Variants in RMDN2 observed in about 807,000 individuals in gnomAD.
RMDN2 encodes the protein regulator of microtubule dynamics 2.
A neutral mutation model predicts 52.8 loss-of-function variants in RMDN2; 61 were observed. The ratio of observed to expected loss-of-function variants is 1.16; its 90% CI spans 0.94 to 1.43. RMDN2 has a LOEUF of 1.43. Among genes scored for constraint, RMDN2 ranks in the 40% most tolerant of loss-of-function variants. The pLI, the probability that RMDN2 is intolerant of heterozygous loss-of-function variation, is 0.00. For missense variants in RMDN2, 592 were observed against 475.3 expected (o/e 1.25, Z -2.28); for synonymous variants, 180 against 153.1 (o/e 1.18, Z -1.30).
intron 2 of RMDN2, among the ~76,000 whole-genome samples, chr2:37,941,239 A>T (rs1358515946): frequency 6.6e-6 from 1 of 150,640 alleles, no homozygotes; most frequent in Non-Finnish European, 1.5e-5. Context: ...AGAACAGCAA[A>T]GATTGCTGGC....
intron 5 of RMDN2, among the ~76,000 whole-genome samples, chr2:37,988,032 C>T (rs553321885): frequency 1.3e-5 from 2 of 152,146 alleles, no homozygotes; most frequent in African/African-American, 2.4e-5. Context: ...GCACTCCAGA[C>T]TGGGCGATAG....
chr2:37,968,796 A>G (rs1458901738), intron 2 of RMDN2, among the ~76,000 whole-genome samples: 1 of 152,234 alleles, frequency 6.6e-6, no homozygotes, highest in African/African-American at 2.4e-5. Flanking sequence ...CTGAAAGGCT[A>G]TTAGAAAATT....
At chr2:37,951,364 C>A (rs1668768235) in intron 2 of RMDN2, 2 of 1,613,302 alleles carry the variant, frequency 1.2e-6, no homozygotes, top group Non-Finnish European at 1.7e-6. Context: ...TCTTATTCCC[C>A]TGTAACACAT....
At chr2:37,944,433 T>C (rs1436789906) in intron 2 of RMDN2, among the ~76,000 whole-genome samples, 1 of 152,094 alleles carries the variant, frequency 6.6e-6, no homozygotes, top group Non-Finnish European at 1.5e-5. Context: ...AGTATGAGTA[T>C]GGCTGCATTC....
At chr2:37,950,442 G>T in intron 2 of RMDN2, 1 of 1,609,000 alleles carries the variant, frequency 6.2e-7, no homozygotes, top group Non-Finnish European at 8.5e-7. Context: ...ATCACATTCT[G>T]TGTTATTGCC....
In RMDN2 at chr2:38,041,363, A is replaced by G. The variant is rs182165724; in HGVS notation, c.1714-25619A>G. Among the ~76,000 whole-genome samples, 23 of 148,758 alleles carry G rather than the reference A, an allele frequency of 1.5e-4. No individual in the cohort carries two copies. In the East Asian group the frequency reaches 3.5e-3, roughly 23 times the overall value. On this transcript the variant is annotated intron_variant, in intron 10 of 10. Coordinates refer to the RMDN2 transcript ENST00000234195. ...AATTTTATATTTATAACCATGATGC[A>G]TTTGAGTCAGACATGTCATCTACAA...
At chr2:37,997,315 C>T in intron 7 of RMDN2, 101 bp from the exon 8 acceptor site, 1 of 752,848 alleles carries the variant, frequency 1.3e-6, no homozygotes, top group East Asian at 2.5e-5. Flanking sequence ...TATACACACA[C>T]ACACGTATAT....
chr2:37,966,185 G>A (rs1671020559), intron 2 of RMDN2, among the ~76,000 whole-genome samples: 1 of 152,110 alleles, frequency 6.6e-6, no homozygotes, highest in Non-Finnish European at 1.5e-5. Flanking sequence ...ACTTTGGGAG[G>A]CCGAGGCAGG....
intron 10 of RMDN2, among the ~76,000 whole-genome samples, chr2:38,034,061 A>C (rs1276250004): frequency 1.3e-5 from 2 of 152,232 alleles, no homozygotes; most frequent in African/African-American, 4.8e-5. Flanking sequence ...GTGTTTCTTT[A>C]CTTTTCAGAA....
chr2:37,922,996 C>T (rs532438498), upstream of RMDN2, among the ~76,000 whole-genome samples: 127 of 152,316 alleles, frequency 8.3e-4, 1 homozygote, highest in African/African-American at 2.8e-3. Context: ...ACCCACTCCT[C>T]CCAAATGATT....
At chr2:38,005,799 G>A (rs567140045) in intron 10 of RMDN2, among the ~76,000 whole-genome samples, 1 of 152,148 alleles carries the variant, frequency 6.6e-6, no homozygotes, top group Non-Finnish European at 1.5e-5. Flanking sequence ...CTGAATGGTA[G>A]TGCCTAAGTT....
intron 10 of RMDN2, among the ~76,000 whole-genome samples, chr2:38,026,327 A>G (rs1013804038): frequency 1.3e-5 from 2 of 151,902 alleles, no homozygotes; most frequent in Non-Finnish European, 2.9e-5. Flanking sequence ...GATATTTGTA[A>G]TTTGTGTTTT....
intron 2 of RMDN2, among the ~76,000 whole-genome samples, chr2:37,939,629 C>T (rs1667607009): frequency 6.6e-6 from 1 of 152,068 alleles, no homozygotes; most frequent in Non-Finnish European, 1.5e-5. Flanking sequence ...TGCATTGATC[C>T]CTTTACCATT....
chr2:38,065,576 G>A (rs2125312015), intron 10 of RMDN2, among the ~76,000 whole-genome samples: 1 of 152,240 alleles, frequency 6.6e-6, no homozygotes, highest in South Asian at 2.1e-4. Context: ...CCATCAAAAA[G>A]CTTGTTTCGT....
At position 37,952,273 on chromosome 2, in the gene RMDN2, G is replaced by A. The variant is rs373421848; in HGVS notation, c.453-21767G>A. 7.1e-6 allele frequency: 3 copies of A among 420,762 alleles called. 1 individual carries two copies. Among genetic ancestry groups the A allele is most frequent in the Non-Finnish European group, 1.2e-5 (3 of 257,068 alleles). The allele number at this position is 420,762 out of a possible 1,614,324, so 26.1% of individuals were successfully genotyped here. A position where few individuals can be genotyped will look rare whatever the true frequency, so the allele number is the denominator to read the frequency against. On this transcript the variant is annotated intron_variant, in intron 2 of 10. Transcript: ENST00000354545. Reference sequence around the variant, plus strand: ...TTCCCACCAGTCACTTTCATAGCCTGTAGAATTCATTTCTCATAACTCCCC... The same window carrying A: ...TTCCCACCAGTCACTTTCATAGCCTATAGAATTCATTTCTCATAACTCCCC...
intron 2 of RMDN2, 36 bp downstream of exon 2, chr2:37,929,765 G>C: frequency 1.5e-6 from 2 of 1,336,996 alleles, no homozygotes; most frequent in African/African-American, 1.5e-5. Context: ...TGTTGAATTG[G>C]TTATTATCAT....
At chr2:38,015,876 A>G (rs568150785) in intron 10 of RMDN2, among the ~76,000 whole-genome samples, 1 of 152,360 alleles carries the variant, frequency 6.6e-6, no homozygotes, top group South Asian at 2.1e-4. Context: ...GCACAATCAT[A>G]TGACTTTAAT....
intron 2 of RMDN2, among the ~76,000 whole-genome samples, chr2:37,970,460 A>G (rs145537438): frequency 1.4e-4 from 21 of 152,174 alleles, no homozygotes; most frequent in African/African-American, 5.1e-4. Context: ...GGATTTTTGC[A>G]TTTATGTTTA....
chr2:37,948,362 A>G (rs1668396330), intron 2 of RMDN2, among the ~76,000 whole-genome samples: 1 of 152,206 alleles, frequency 6.6e-6, no homozygotes. Flanking sequence ...ACAGATAAAC[A>G]AAAGGTTCAT....
Sources: allele counts gnomAD v4.1 joint callset (sites outside exome capture counted in the v4.1 genomes callset), GRCh38; gene constraint gnomAD v4.1.1; transcripts MANE v1.5; gene names NCBI Gene and HGNC (gene_info 2026-07-23, HGNC 2026-07-21).